The following LRRC37A2 variants were observed in gnomAD, a reference collection of about 807,000 sequenced individuals.
LRRC37A2 encodes the protein leucine-rich repeat-containing protein 37A2.
A neutral mutation model predicts 68.8 loss-of-function variants in LRRC37A2; 9 were observed. The ratio of observed to expected loss-of-function variants is 0.13; its 90% confidence interval spans 0.08 to 0.23. The LOEUF is 0.23. Among genes scored for constraint, LRRC37A2 ranks in the 10% least tolerant of loss-of-function variants. The probability of loss-of-function intolerance (pLI) is 1.00; values close to 1 mark genes in which losing one functional copy is unlikely to be tolerated. For missense variants in LRRC37A2, 168 were observed against 950.4 expected (o/e 0.18, Z 10.82); for synonymous variants, 63 against 367.6 (o/e 0.17, Z 9.48).
At chr17:46,854,673 T>C in the LRRC37A2 span, among the ~76,000 whole-genome samples, 2 of 152,174 alleles carry the variant, frequency 1.3e-5, no homozygotes, top group African/African-American at 4.8e-5. Flanking sequence ...CTCTTTTTTC[T>C]TTTTTTGAGA....
At chr17:46,999,463 C>G in the LRRC37A2 span, among the ~76,000 whole-genome samples, 395 of 152,244 alleles carry the variant, frequency 2.6e-3, 2 homozygotes, top group African/African-American at 9.1e-3. Flanking sequence ...ATCCTCCTGC[C>G]TAAACCTCCC....
At chr17:46,714,296 A>G in the LRRC37A2 span, among the ~76,000 whole-genome samples, 6 of 152,368 alleles carry the variant, frequency 3.9e-5, no homozygotes, top group South Asian at 1.2e-3. Context: ...TAAAGTGGAC[A>G]AATTCATTTA....
the LRRC37A2 span, among the ~76,000 whole-genome samples, chr17:46,817,257 G>A: frequency 6.6e-6 from 1 of 152,192 alleles, no homozygotes; most frequent in African/African-American, 2.4e-5. Flanking sequence ...CGAAAGGCAG[G>A]GAGTCTGGGG....
the LRRC37A2 span, chr17:46,978,941 C>T: frequency 1.4e-6 from 2 of 1,455,070 alleles, no homozygotes; most frequent in Non-Finnish European, 1.8e-6. Context: ...CCCAGGGCGG[C>T]CCCGGCGCCG....
chr17:46,768,258 C>A, the LRRC37A2 span: 2 of 1,609,362 alleles, frequency 1.2e-6, no homozygotes, highest in Non-Finnish European at 8.5e-7. This position sits in a 1 kb window ranked among gnomAD's most constrained non-coding sequence, Gnocchi z 5.0. Context: ...GGGCAAACAA[C>A]CCCATTCCCT....
the LRRC37A2 span, among the ~76,000 whole-genome samples, chr17:46,905,102 C>T: frequency 6.6e-6 from 1 of 150,710 alleles, no homozygotes; most frequent in Non-Finnish European, 1.5e-5. Context: ...GATGGGGTTT[C>T]GCTCTGTTGC....
At chr17:46,756,915 T>C in the LRRC37A2 span, 1 of 152,546 alleles carries the variant, frequency 6.6e-6, no homozygotes, top group Non-Finnish European at 1.5e-5. Flanking sequence ...CTTTTGAGGG[T>C]GATTTGTCTT....
chr17:46,553,304 T>G (rs2056994414), intron 11 of LRRC37A2, 96 bp from the exon 11 acceptor site: 1 of 1,596,282 alleles, frequency 6.3e-7, no homozygotes, highest in African/African-American at 1.4e-5. Flanking sequence ...CCTCATCAGG[T>G]AGATGAGACT....
the LRRC37A2 span, among the ~76,000 whole-genome samples, chr17:46,849,065 C>A: frequency 6.6e-6 from 1 of 152,190 alleles, no homozygotes; most frequent in Admixed American, 6.5e-5. Flanking sequence ...AACTCTGAAG[C>A]CTCCATGGGC....
chr17:46,903,745 G>T, the LRRC37A2 span, among the ~76,000 whole-genome samples: 1 of 150,996 alleles, frequency 6.6e-6, no homozygotes, highest in Non-Finnish European at 1.5e-5. Context: ...ATGGATGAAT[G>T]GGTGGGTGAG....
chr17:46,768,578 C>T, the LRRC37A2 span: 1 of 1,614,206 alleles, frequency 6.2e-7, no homozygotes, highest in Non-Finnish European at 8.5e-7. This position sits in a 1 kb window ranked among gnomAD's most constrained non-coding sequence, Gnocchi z 5.0. Flanking sequence ...GGTCCCTCTC[C>T]GTGGGTGGCT....
At chr17:46,828,842 G>C in the LRRC37A2 span, among the ~76,000 whole-genome samples, 1 of 151,752 alleles carries the variant, frequency 6.6e-6, no homozygotes, top group African/African-American at 2.4e-5. Context: ...CGTGCCTGTA[G>C]TCCCAGCTAC....
At chr17:46,498,879 A>G in the LRRC37A2 span, among the ~76,000 whole-genome samples, 1 of 150,862 alleles carries the variant, frequency 6.6e-6, no homozygotes, top group African/African-American at 2.5e-5. Context: ...GTATGTAGAT[A>G]TACGTATATA....
At chr17:46,970,278 C>A in the LRRC37A2 span, among the ~76,000 whole-genome samples, 1 of 152,098 alleles carries the variant, frequency 6.6e-6, no homozygotes, top group Non-Finnish European at 1.5e-5. Context: ...CGGTGGCTCA[C>A]GCCTGTAATC....
the LRRC37A2 span, among the ~76,000 whole-genome samples, chr17:46,394,614 G>T: frequency 1.3e-5 from 1 of 74,756 alleles, no homozygotes; most frequent in Non-Finnish European, 3.7e-5. Context: ...CCTCTAGGAT[G>T]GTCATACTTT....
At chr17:46,915,730 T>A in the LRRC37A2 span, among the ~76,000 whole-genome samples, 1 of 152,234 alleles carries the variant, frequency 6.6e-6, no homozygotes, top group African/African-American at 2.4e-5. Context: ...ACCCACCTCT[T>A]GATCTGTGTG....
chr17:46,944,626 C>G, the LRRC37A2 span, among the ~76,000 whole-genome samples: 14 of 145,066 alleles, frequency 9.7e-5, no homozygotes, highest in African/African-American at 3.0e-4. Flanking sequence ...TTTTTTTTTC[C>G]TCTCATTCTG....
At chr17:46,787,544 C>T in the LRRC37A2 span, among the ~76,000 whole-genome samples, 1 of 152,212 alleles carries the variant, frequency 6.6e-6, no homozygotes, top group Non-Finnish European at 1.5e-5. Context: ...CTGCTGACTC[C>T]CAGCCAGAGC....
chr17:46,880,652 T>A, the LRRC37A2 span, among the ~76,000 whole-genome samples: 1 of 152,220 alleles, frequency 6.6e-6, no homozygotes, highest in South Asian at 2.1e-4. Flanking sequence ...ATGAGAAGCC[T>A]CCTCATTGCA....
Sources: gnomAD v4.1 joint callset for allele counts (sites outside exome capture counted in the v4.1 genomes callset) on GRCh38, gnomAD v4.1.1 for gene constraint, Gnocchi (gnomAD v3.1) non-coding constraint, MANE v1.5 for transcripts, NCBI Gene and HGNC (gene_info 2026-07-23, HGNC 2026-07-21) for gene names.